RIC3: variants seen among roughly 807,000 people sequenced by gnomAD.
RIC3 encodes protein RIC-3.
RIC3 carries 28 observed loss-of-function variants against 27.3 expected under a neutral mutation model. The ratio of observed to expected loss-of-function variants is 1.02; its 90% CI spans 0.76 to 1.41. RIC3 has a LOEUF of 1.41. RIC3 is among the 40% of genes most tolerant of loss of function. RIC3 has a pLI of 0.00. For synonymous variants in RIC3, 184 were observed against 160.4 expected (o/e 1.15, Z -1.11); for missense variants, 501 against 444.7 (o/e 1.13, Z -1.14).
chr11:8,137,350 G>T, intron 4 of RIC3, 28 bp downstream of exon 4: 1 of 1,583,482 alleles, frequency 6.3e-7, no homozygotes, highest in Non-Finnish European at 8.7e-7. Flanking sequence ...ATGAGAAATA[G>T]TCTGAGTCCC....
intron 1 of RIC3, among the ~76,000 whole-genome samples, chr11:8,152,590 T>C (rs2134136641): frequency 6.6e-6 from 1 of 152,266 alleles, no homozygotes; most frequent in South Asian, 2.1e-4. Flanking sequence ...AAGGAAAAAG[T>C]GACTGCCTAA....
chr11:8,144,056 G>A (rs571222972), intron 1 of RIC3, among the ~76,000 whole-genome samples: 1,698 of 152,236 alleles, frequency 0.011, 40 homozygotes, highest in African/African-American at 0.039. Context: ...TTAAACCTTA[G>A]ACCTAAAACC....
intron 1 of RIC3, among the ~76,000 whole-genome samples, chr11:8,166,518 C>T (rs1001324466): frequency 3.9e-5 from 6 of 152,154 alleles, no homozygotes; most frequent in Non-Finnish European, 2.9e-5. Flanking sequence ...TGAGAATTCT[C>T]TGAATTGATA....
intron 1 of RIC3, among the ~76,000 whole-genome samples, chr11:8,152,761 T>G (rs1318612187): frequency 6.6e-6 from 1 of 152,182 alleles, no homozygotes; most frequent in Non-Finnish European, 1.5e-5. Flanking sequence ...AAAGCTTTTT[T>G]TTTTTAAAGA....
At chr11:8,125,947 G>C (rs1023685562) in intron 5 of RIC3, among the ~76,000 whole-genome samples, 3 of 152,178 alleles carry the variant, frequency 2.0e-5, no homozygotes, top group Non-Finnish European at 4.4e-5. Context: ...GCTGAGGCAG[G>C]AGAATCACTT....
At chr11:8,095,636 AG>A in the RIC3 span, 7 of 1,607,886 alleles carry the variant, frequency 4.4e-6, no homozygotes, top group South Asian at 7.8e-5. Context: ...CCCAGCGGGC[AG>A]GATCTCCGTG....
intron 5 of RIC3, among the ~76,000 whole-genome samples, chr11:8,122,151 C>T (rs954288975): frequency 6.6e-6 from 1 of 152,138 alleles, no homozygotes; most frequent in African/African-American, 2.4e-5. Flanking sequence ...AATATAACAA[C>T]CAGGATATTA....
chr11:8,119,814 T>G (rs1479173268), intron 5 of RIC3, among the ~76,000 whole-genome samples: 1 of 152,108 alleles, frequency 6.6e-6, no homozygotes, highest in Non-Finnish European at 1.5e-5. Flanking sequence ...AGGGCTAATA[T>G]CTAGAATCTA....
chr11:8,116,825 C>T (rs925080897), intron 5 of RIC3, among the ~76,000 whole-genome samples: 1 of 152,186 alleles, frequency 6.6e-6, no homozygotes, highest in African/African-American at 2.4e-5. Context: ...TAAACTAGTA[C>T]AGTCACTATG....
At chr11:8,095,658 G>A in the RIC3 span, 1 of 1,597,140 alleles carries the variant, frequency 6.3e-7, no homozygotes, top group Non-Finnish European at 8.5e-7. Flanking sequence ...CCACGATGCA[G>A]AGGAAGGGTG....
At chr11:8,094,467 C>T in the RIC3 span, among the ~76,000 whole-genome samples, 1 of 152,222 alleles carries the variant, frequency 6.6e-6, no homozygotes, top group Non-Finnish European at 1.5e-5. Context: ...CCTCAGCTAC[C>T]TTGGCCTGAG....
intron 5 of RIC3, among the ~76,000 whole-genome samples, chr11:8,126,095 G>A (rs866487587): frequency 2.0e-5 from 3 of 152,072 alleles, no homozygotes; most frequent in Non-Finnish European, 2.9e-5. Flanking sequence ...TCACTCCTAG[G>A]TATAGACTCA....
the RIC3 span, chr11:8,097,153 G>T: frequency 6.5e-7 from 1 of 1,547,938 alleles, no homozygotes; most frequent in Non-Finnish European, 8.9e-7. Context: ...TTAGGAGGCA[G>T]ATTTGGATCC....
At chr11:8,135,637 T>C (rs1336113402) in intron 4 of RIC3, 1 of 152,218 alleles carries the variant, frequency 6.6e-6, no homozygotes, top group Non-Finnish European at 1.5e-5. Context: ...CTTCCATTTG[T>C]TTGTATCCTC....
chr11:8,102,867 T>G (rs191795438), downstream of RIC3: 19 of 151,928 alleles, frequency 1.3e-4, no homozygotes, highest in African/African-American at 4.1e-4. Flanking sequence ...TTCTCTTGAT[T>G]TCTTTGTTCC....
chr11:8,137,373 C>T lies in RIC3; in HGVS notation c.521+5G>A. On this transcript the variant is annotated splice_donor_5th_base_variant and intron_variant, in intron 4 of 5. Coordinates refer to ENST00000309737, the MANE Select transcript of RIC3 (RefSeq NM_001206671.4). Reference sequence around the variant, plus strand: ...TAGTCTGAGTCCCGTTACATGAAAACCTACCTCTCACCATTAGGTCCCACT... The same window carrying T: ...TAGTCTGAGTCCCGTTACATGAAAATCTACCTCTCACCATTAGGTCCCACT... 1 of 1,611,470 alleles carries T rather than the reference C, an allele frequency of 6.2e-7. No individual in the cohort carries two copies. Among genetic ancestry groups the T allele is most frequent in the East Asian group, 2.2e-5 (1 of 44,864 alleles).
At chr11:8,096,579 G>T in the RIC3 span, 1 of 770,214 alleles carries the variant, frequency 1.3e-6, no homozygotes, top group South Asian at 1.5e-5. Flanking sequence ...AAGTTTGTGG[G>T]GGTACAGGTG....
downstream of RIC3, chr11:8,101,462 G>C (rs1391538680): frequency 2.9e-6 from 3 of 1,028,976 alleles, no homozygotes; most frequent in Non-Finnish European, 3.9e-6. Context: ...CCTTTTCTCT[G>C]TCTGTGCCTG....
rs1402663825 is a variant in RIC3 at position 8,168,965 on chromosome 11, C to T, written c.25G>A (p.Val9Ile). The T allele has an allele frequency of 1.9e-6, 3 of 1,607,066 alleles. No individual in the cohort carries two copies. The highest frequency in any genetic ancestry group is 2.5e-6 in the Non-Finnish European group (3 of 1,177,014). ...AGGACAAGCCCAGAAGCCAGAGCGACTCTCTGCACTGTGGAGTACGCCATG... is the reference window on the plus strand; with the variant it reads ...AGGACAAGCCCAGAAGCCAGAGCGATTCTCTGCACTGTGGAGTACGCCATG... MAYSTVQRVALASGLVLAL... is the reference protein window; with the variant it reads MAYSTVQRIALASGLVLAL... The change falls in exon 1 of 6, where the codon GTC becomes ATC. Residue 9 changes from valine to isoleucine, a missense_variant. Val to Ile is a conservative substitution (Grantham distance 29, BLOSUM62 3). Coordinates refer to ENST00000309737, the MANE Select transcript of RIC3 (RefSeq NM_001206671.4).
Sources: gnomAD v4.1 joint callset for allele counts (sites outside exome capture counted in the v4.1 genomes callset) on GRCh38, gnomAD v4.1.1 for gene constraint, MANE v1.5 for transcripts, NCBI Gene and HGNC (gene_info 2026-07-23, HGNC 2026-07-21) for gene names.